Variants in FRMD7 observed in about 807,000 individuals in gnomAD.
FRMD7 encodes the protein FERM domain-containing protein 7.
FRMD7 carries 14 observed loss-of-function variants against 44.1 expected under a neutral mutation model. That is an observed-to-expected ratio of 0.32 (90% CI 0.21 to 0.50). The LOEUF is 0.50. Ranked by LOEUF, FRMD7 falls within the 20% of genes least tolerant of loss-of-function variation. The pLI, the probability that FRMD7 is intolerant of heterozygous loss-of-function variation, is 0.99. For synonymous variants in FRMD7, 212 were observed against 187.4 expected, an observed-to-expected ratio of 1.13 and a Z score of -1.07; for missense variants, 501 against 522.3, an observed-to-expected ratio of 0.96 and a Z score of 0.40.
chrX:132,112,422 G>C (rs1219326141), intron 1 of FRMD7, among the ~76,000 whole-genome samples: 1 of 111,386 alleles, frequency 9.0e-6, no homozygotes, highest in Non-Finnish European at 1.9e-5. Context: ...CCTTTCCCTA[G>C]AGCCCACAGG....
chrX:132,120,047 G>GT (rs1291442603), intron 1 of FRMD7, among the ~76,000 whole-genome samples: 8 of 111,500 alleles, frequency 7.2e-5, no homozygotes, highest in Admixed American at 4.7e-4. Flanking sequence ...GACTGGGCCA[G>GT]TCCAGCCGCC....
chrX:132,097,476 C>T, intron 3 of FRMD7, 132 bp from the exon 4 acceptor site: 1 of 524,166 alleles, frequency 1.9e-6, no homozygotes, highest in Non-Finnish European at 3.5e-6. Flanking sequence ...ATCACTCCCT[C>T]CTACAGACTT....
chrX:132,117,640 C>G (rs1317539885), intron 1 of FRMD7, among the ~76,000 whole-genome samples: 1 of 111,785 alleles, frequency 8.9e-6, no homozygotes, highest in African/African-American at 3.3e-5. Context: ...CCTAATCCCA[C>G]CTATCAAGAG....
chrX:132,103,468 T>A (rs1365136951), intron 1 of FRMD7, among the ~76,000 whole-genome samples: 1 of 104,852 alleles, frequency 9.5e-6, no homozygotes, highest in East Asian at 3.0e-4. Flanking sequence ...TGTCTCATCC[T>A]GATATCTGCC....
chrX:132,090,024 G>A (rs866810535), intron 5 of FRMD7, among the ~76,000 whole-genome samples: 2 of 112,162 alleles, frequency 1.8e-5, no homozygotes, highest in South Asian at 7.3e-4. Flanking sequence ...AATGCTTATA[G>A]CATTATTCAT....
intron 1 of FRMD7, among the ~76,000 whole-genome samples, chrX:132,102,198 C>G (rs1240996172): frequency 9.0e-6 from 1 of 110,920 alleles, no homozygotes; most frequent in East Asian, 2.8e-4. Flanking sequence ...CTTCCCCCAC[C>G]GTCCAAAAAT....
chrX:132,116,676 G>A (rs774109454), intron 1 of FRMD7, among the ~76,000 whole-genome samples: 7 of 111,373 alleles, frequency 6.3e-5, no homozygotes, highest in Admixed American at 1.9e-4. Flanking sequence ...GGTTGGGGCC[G>A]GCGGAGGGAG....
In FRMD7 at chrX:132,105,876, CT is replaced by C. The variant is rs200796334; in HGVS notation, c.58-5161del. Among the ~76,000 whole-genome samples the C allele has an allele frequency of 8.2e-4, 92 of 111,946 alleles. 3 individuals are homozygous for C. In the East Asian group the frequency reaches 0.024, roughly 29 times the overall value. On this transcript the variant is annotated intron_variant, in intron 1 of 11. Transcript: ENST00000298542. ...GAATTAACTCAAGATGGATTAAAGA[CT>C]TAAATGTAAAACCCAGAACTATAAA...
rs181962233 is a variant in FRMD7 at position 132,078,544 on chromosome X, C to A, written c.1473G>T (p.Met491Ile). Residue 491 changes from methionine (M) to isoleucine (I), a missense_variant, in exon 12 of 12, where the codon ATG (methionine) becomes ATT (isoleucine). By Grantham distance (10) the Met-to-Ile change is conservative. Transcript: ENST00000298542. ...IPCTGQQVGIMPPQVFFYVDK... is the reference protein window; with the variant it reads ...IPCTGQQVGIIPPQVFFYVDK... ...CCACATAAAAAAAGACCTGGGGAGGCATAATACCAACCTGCTGACCTGTAC... is the reference window on the plus strand; with the variant it reads ...CCACATAAAAAAAGACCTGGGGAGGAATAATACCAACCTGCTGACCTGTAC... The A allele has an allele frequency of 1.6e-3, 1,891 of 1,209,889 alleles. 31 individuals carry two copies. The Admixed American group carries it at 0.031, about 20-fold the overall frequency.
intron 1 of FRMD7, among the ~76,000 whole-genome samples, chrX:132,110,710 G>A (rs1928757474): frequency 1.8e-5 from 2 of 111,953 alleles, no homozygotes; most frequent in Admixed American, 1.9e-4. Context: ...TCTGAGAGTG[G>A]GGATGCTCAG....
chrX:132,100,091 AAACAGG>A (rs1394646032), intron 2 of FRMD7, among the ~76,000 whole-genome samples: 1 of 112,168 alleles, frequency 8.9e-6, no homozygotes, highest in African/African-American at 3.2e-5. Context: ...CAGAGTGACA[AAACAGG>A]AATGTGGGGT....
At chrX:132,085,553 G>A (rs1230643166) in intron 7 of FRMD7, 28 bp downstream of exon 7, 1 of 1,204,375 alleles carries the variant, frequency 8.3e-7, no homozygotes, top group Non-Finnish European at 1.1e-6. Context: ...CACTAAAGCT[G>A]AAGGGCTTGA....
At chrX:132,108,478 C>T (rs1928700163) in intron 1 of FRMD7, among the ~76,000 whole-genome samples, 1 of 112,013 alleles carries the variant, frequency 8.9e-6, no homozygotes, top group Non-Finnish European at 1.9e-5. Context: ...AAGTACTTTA[C>T]ACAGTGTCTG....
intron 3 of FRMD7, 113 bp from the exon 4 acceptor site, chrX:132,097,457 C>T (rs1403494720): frequency 3.6e-6 from 2 of 553,438 alleles, no homozygotes; most frequent in East Asian, 3.3e-5. Context: ...CCTCTTCCGT[C>T]CCCTCCCCAT....
At chrX:132,088,528 AG>A (rs1477427932) in intron 5 of FRMD7, among the ~76,000 whole-genome samples, 1 of 107,183 alleles carries the variant, frequency 9.3e-6, no homozygotes, top group Non-Finnish European at 1.9e-5. Context: ...ACTGCACTCC[AG>A]GTTGGGTGAA....
At chrX:132,080,397 A>G in intron 9 of FRMD7, 131 bp from the exon 10 acceptor site, 2 of 515,163 alleles carry the variant, frequency 3.9e-6, no homozygotes, top group South Asian at 2.8e-5. Flanking sequence ...TTTGACCATC[A>G]CAATGATAAT....
chrX:132,078,786 T>C lies in FRMD7; in HGVS notation c.1231A>G (p.Ser411Gly). 8.3e-7 allele frequency: 1 copy of C among 1,211,536 alleles called. No homozygotes were observed. The change falls in exon 12 of 12, where the codon AGT becomes GGT. Residue 411 changes from serine (S) to glycine (G), a missense_variant. Physicochemically the swap from Ser to Gly is moderately conservative, Grantham distance 56. Around this residue, in one of 3 missense-constraint regions of FRMD7, gnomAD observed 453 missense variants for 452.7 expected, o/e 1.00. Coordinates refer to ENST00000298542, the MANE Select transcript of FRMD7 (RefSeq NM_194277.3). ...ATATAAATAAAAGGGAAAGAGGAAC[T>C]GCTTTGGGACTGATGTAGCAATGTG... Reference protein sequence around the residue: ...DPTLLHQSQSSSSFPFIYMDP... With the variant: ...DPTLLHQSQSGSSFPFIYMDP...
intron 8 of FRMD7, 125 bp from the exon 9 acceptor site, chrX:132,082,651 T>A: frequency 1.6e-6 from 1 of 611,457 alleles, no homozygotes; most frequent in Non-Finnish European, 2.7e-6. Context: ...CTTGGCTCCC[T>A]GTAGGTTTCA....
chrX:132,083,074 C>T (rs1399226448), intron 8 of FRMD7, among the ~76,000 whole-genome samples: 1 of 111,807 alleles, frequency 8.9e-6, no homozygotes, highest in Non-Finnish European at 1.9e-5. Flanking sequence ...ACTCAGCCTC[C>T]TGAATAGCTA....
Sources: allele counts gnomAD v4.1 joint callset (sites outside exome capture counted in the v4.1 genomes callset), GRCh38; gene constraint gnomAD v4.1.1; regional missense constraint gnomAD v4.1.1; transcripts MANE v1.5; gene names NCBI Gene and HGNC (gene_info 2026-07-23, HGNC 2026-07-21).